Variants in AP2A2 observed in about 807,000 individuals in gnomAD.
The protein encoded by AP2A2 is adaptor related protein complex 2 subunit alpha 2.
A neutral mutation model predicts 104.2 loss-of-function variants in AP2A2; 32 were observed. That is an observed-to-expected ratio of 0.31 (90% CI 0.23 to 0.41). AP2A2 has a LOEUF of 0.41. Among genes scored for constraint, AP2A2 ranks in the 10% least tolerant of loss-of-function variants. AP2A2 has a pLI of 1.00. For synonymous variants in AP2A2, 539 were observed against 533.3 expected (o/e 1.01, Z -0.15); for missense variants, 912 against 1,261.0 (o/e 0.72, Z 4.19).
intron 2 of AP2A2, among the ~76,000 whole-genome samples, chr11:962,719 C>T (rs1480793473): frequency 1.3e-5 from 2 of 151,522 alleles, no homozygotes; most frequent in African/African-American, 4.9e-5. Context: ...GGAGACACAG[C>T]AAGACTCTGT....
At chr11:951,974 T>G (rs76600059) in intron 1 of AP2A2, among the ~76,000 whole-genome samples, 1 of 38,056 alleles carries the variant, frequency 2.6e-5, no homozygotes, top group Non-Finnish European at 7.1e-5. Flanking sequence ...CTCAGGTGAT[T>G]CCCCCCACCT....
chr11:949,536 G>A (rs554913646), intron 1 of AP2A2, among the ~76,000 whole-genome samples: 2 of 152,120 alleles, frequency 1.3e-5, no homozygotes, highest in South Asian at 2.1e-4. Context: ...CAGCACTTTC[G>A]GAGGCCGAGG....
At chr11:998,643 T>TA (rs1855933572) in intron 14 of AP2A2, among the ~76,000 whole-genome samples, 1 of 152,158 alleles carries the variant, frequency 6.6e-6, no homozygotes, top group African/African-American at 2.4e-5. Flanking sequence ...ATCCTTGTGA[T>TA]AGTCAGAGCC....
intron 20 of AP2A2, 84 bp downstream of exon 20, chr11:1,009,481 C>A: frequency 1.4e-6 from 2 of 1,432,610 alleles, no homozygotes; most frequent in Non-Finnish European, 1.9e-6. Context: ...CCGGGGAACA[C>A]GCAGCCCATG....
At chr11:1,010,207 C>T (rs551758391) in intron 21 of AP2A2, 12 of 488,722 alleles carry the variant, frequency 2.5e-5, no homozygotes, top group South Asian at 9.8e-5. Context: ...CCCGTTCTGG[C>T]GACGGACACC....
intron 14 of AP2A2, among the ~76,000 whole-genome samples, chr11:998,520 C>T (rs1855929402): frequency 1.3e-5 from 2 of 152,048 alleles, no homozygotes; most frequent in African/African-American, 2.4e-5. Context: ...CAGATAATTA[C>T]AAACTAATTT....
intron 1 of AP2A2, among the ~76,000 whole-genome samples, chr11:944,218 G>A (rs767137029): frequency 6.6e-6 from 1 of 152,184 alleles, no homozygotes. Flanking sequence ...TGATCCCGTC[G>A]CTCAGGAAAT....
chr11:930,882 GACACTGGTAC>G (rs1183851305), intron 1 of AP2A2, among the ~76,000 whole-genome samples: 3 of 152,168 alleles, frequency 2.0e-5, no homozygotes, highest in African/African-American at 7.2e-5. Flanking sequence ...CCAGGAAACA[GACACTGGTAC>G]ACACCACCAG....
intron 1 of AP2A2, among the ~76,000 whole-genome samples, chr11:958,165 AAG>A (rs1163513235): frequency 1.3e-5 from 2 of 152,228 alleles, no homozygotes; most frequent in Non-Finnish European, 2.9e-5. Context: ...TTGTAAGAGG[AAG>A]AGAGAGCGTG....
At chr11:951,341 A>G (rs547409112) in intron 1 of AP2A2, among the ~76,000 whole-genome samples, 1 of 152,130 alleles carries the variant, frequency 6.6e-6, no homozygotes, top group Non-Finnish European at 1.5e-5. Flanking sequence ...AGCCTGACCA[A>G]TATGGTGAAA....
chr11:985,714 C>G (rs1855432544), intron 8 of AP2A2, 132 bp downstream of exon 8: 1 of 1,301,428 alleles, frequency 7.7e-7, no homozygotes, highest in African/African-American at 1.5e-5. Flanking sequence ...CCTCTGTGCT[C>G]CCTGCCGGAT....
chr11:996,007 C>T (rs564283967), intron 14 of AP2A2: 3 of 152,250 alleles, frequency 2.0e-5, no homozygotes, highest in Admixed American at 1.3e-4. Context: ...ACCCTGTCTC[C>T]TCCCGTGGGA....
At chr11:940,622 T>C (rs1040689880) in intron 1 of AP2A2, 8 of 318,664 alleles carry the variant, frequency 2.5e-5, no homozygotes, top group Admixed American at 4.4e-5. Context: ...TTATCTCGTC[T>C]GTGTAAAGGT....
intron 2 of AP2A2, among the ~76,000 whole-genome samples, chr11:965,704 A>G (rs1169666225): frequency 6.6e-6 from 1 of 152,224 alleles, no homozygotes; most frequent in Non-Finnish European, 1.5e-5. Flanking sequence ...ACGCATGGGC[A>G]AGAAATCAGT....
At chr11:979,856 G>A (rs896018758) in intron 5 of AP2A2, among the ~76,000 whole-genome samples, 8 of 152,182 alleles carry the variant, frequency 5.3e-5, no homozygotes, top group Non-Finnish European at 1.0e-4. Context: ...ATAAGCCACC[G>A]TGCCCACGCA....
intron 1 of AP2A2, among the ~76,000 whole-genome samples, chr11:950,999 C>T (rs966331518): frequency 6.7e-6 from 1 of 149,306 alleles, no homozygotes; most frequent in African/African-American, 2.5e-5. Context: ...GGCTGAGGCA[C>T]AAGAATCACT....
Position 1,009,182 on chromosome 11 carries a change from C to G in AP2A2, c.2503C>G (p.Gln835Glu). The change falls in exon 19 of 22, where the codon CAG becomes GAG. Residue 835 changes from glutamine (Q) to glutamate (E), a missense_variant. Transcript: ENST00000448903. ...KFFQPTEMASQDFFQRWKQLS... is the reference protein window; with the variant it reads ...KFFQPTEMASEDFFQRWKQLS... ...CTTCCAGCCGACAGAAATGGCTTCT[C>G]AGGATTTCTTTCAACGTTGGAAGCA... 1 of 1,613,774 alleles carries G rather than the reference C, an allele frequency of 6.2e-7. No individual in the cohort carries two copies. Among genetic ancestry groups the G allele is most frequent in the East Asian group, 2.2e-5 (1 of 44,884 alleles).
chr11:966,542 T>G (rs1391234576), intron 2 of AP2A2, among the ~76,000 whole-genome samples: 1 of 152,228 alleles, frequency 6.6e-6, no homozygotes, highest in Non-Finnish European at 1.5e-5. Flanking sequence ...CAGCCTGTTT[T>G]TCATTTTACC....
chr11:945,336 T>G (rs917333606), intron 1 of AP2A2, among the ~76,000 whole-genome samples: 1 of 152,086 alleles, frequency 6.6e-6, no homozygotes, highest in Non-Finnish European at 1.5e-5. Context: ...TGACACTCAA[T>G]TTTTAAAAAT....
Sources: allele counts gnomAD v4.1 joint callset (sites outside exome capture counted in the v4.1 genomes callset), GRCh38; gene constraint gnomAD v4.1.1; transcripts MANE v1.5; gene names NCBI Gene and HGNC (gene_info 2026-07-23, HGNC 2026-07-21).